STOX1: variants seen among roughly 807,000 people sequenced by gnomAD.
The protein encoded by STOX1 is storkhead box 1.
Under a neutral mutation model 74.8 loss-of-function variants are expected in STOX1, and 57 were observed. The ratio of observed to expected loss-of-function variants is 0.76; its 90% confidence interval spans 0.62 to 0.95. The LOEUF is 0.95. Ranked by LOEUF, STOX1 falls within the 40% of genes least tolerant of loss-of-function variation. The pLI is 0.00. For synonymous variants in STOX1, 375 were observed against 401.3 expected (o/e 0.93, Z 0.78); for missense variants, 1,010 against 1,117.0 (o/e 0.90, Z 1.37).
At chr10:68,850,525 G>T (rs1281103983) in intron 1 of STOX1, among the ~76,000 whole-genome samples, 1 of 152,176 alleles carries the variant, frequency 6.6e-6, no homozygotes, top group Non-Finnish European at 1.5e-5. Context: ...AGGAAGCCTG[G>T]TTATCAAACC....
At chr10:68,848,792 G>C (rs1449784003) in intron 1 of STOX1, among the ~76,000 whole-genome samples, 1 of 152,064 alleles carries the variant, frequency 6.6e-6, no homozygotes, top group Non-Finnish European at 1.5e-5. Context: ...AGCCATCCAA[G>C]TAGCTAGGAC....
Position 68,892,859 on chromosome 10 carries a change from C to A in STOX1, c.*123C>A. The stretch of plus-strand genomic sequence containing the variant: ...AAGGCAAGCATATCTATACTATTAA[C>A]CACATTACACATTTTGTTCTAATTA... On this transcript the variant is annotated 3_prime_UTR_variant, in exon 4 of 4. Coordinates refer to ENST00000298596, the MANE Select transcript of STOX1 (RefSeq NM_152709.5). The A allele has an allele frequency of 9.2e-7, 1 of 1,085,330 alleles. No homozygotes were observed. The highest frequency in any genetic ancestry group is 1.3e-6 in the Non-Finnish European group (1 of 752,572). 67.2% of individuals were successfully genotyped at this position (1,085,330 alleles called of 1,614,324 possible). A position where few individuals can be genotyped will look rare whatever the true frequency, so the allele number is the denominator to read the frequency against.
intron 1 of STOX1, among the ~76,000 whole-genome samples, chr10:68,832,211 T>C (rs544322286): frequency 4.3e-4 from 65 of 152,044 alleles, no homozygotes; most frequent in Middle Eastern, 3.4e-3. Flanking sequence ...TGTATTTGTT[T>C]GGAAGAATCT....
At chr10:68,893,914 AC>A (rs1483391378), downstream of STOX1, among the ~76,000 whole-genome samples, 1 of 152,098 alleles carries the variant, frequency 6.6e-6, no homozygotes, top group Non-Finnish European at 1.5e-5. Context: ...TCATGGTAAG[AC>A]CTAGAATTTT....
At chr10:68,881,816 G>T in intron 1 of STOX1, 142 bp from the exon 2 acceptor site, 17 of 931,086 alleles carry the variant, frequency 1.8e-5, no homozygotes, top group Non-Finnish European at 2.9e-5. Flanking sequence ...TACATGTCAT[G>T]TTAACAGATT....
intron 1 of STOX1, among the ~76,000 whole-genome samples, chr10:68,863,148 G>A (rs7087811): frequency 0.28 from 42,232 of 151,886 alleles, 6,427 homozygotes; most frequent in African/African-American, 0.38. Flanking sequence ...CTGTAGGACC[G>A]GGCAACCAAG....
intron 1 of STOX1, among the ~76,000 whole-genome samples, chr10:68,875,473 G>A (rs1311482464): frequency 2.6e-5 from 4 of 151,886 alleles, no homozygotes; most frequent in Non-Finnish European, 5.9e-5. Context: ...TTTGTCATGG[G>A]TGCACCTCTT....
intron 1 of STOX1, chr10:68,828,257 A>G (rs1284445726): frequency 5.5e-6 from 6 of 1,098,292 alleles, no homozygotes; most frequent in Non-Finnish European, 6.7e-6. Flanking sequence ...CGGCTTCCGC[A>G]TCAGGGCGGT....
In STOX1 at chr10:68,845,400, A is replaced by G. The variant is rs181434351; in HGVS notation, c.310+17467A>G. On this transcript the variant is annotated intron_variant, in intron 1 of 3. Transcript: ENST00000298596. ...GCCATTCTCCTGCCTCAGCCTCCTG[A>G]GTAGCTGGGACTACAGGCGCCTGCC... Among the ~76,000 whole-genome samples, 963 of 149,620 alleles carry G rather than the reference A, an allele frequency of 6.4e-3. 14 individuals carry two copies. Among genetic ancestry groups the G allele is most frequent in the African/African-American group, 0.022 (901 of 40,484 alleles).
intron 1 of STOX1, among the ~76,000 whole-genome samples, chr10:68,879,630 T>C (rs1473754730): frequency 6.6e-6 from 1 of 152,218 alleles, no homozygotes; most frequent in Non-Finnish European, 1.5e-5. Context: ...TCCAGTCATA[T>C]TCACTGGATC....
chr10:68,852,520 A>G (rs933876612), intron 1 of STOX1, among the ~76,000 whole-genome samples: 3 of 151,356 alleles, frequency 2.0e-5, no homozygotes, highest in African/African-American at 7.3e-5. Flanking sequence ...GGCCTCCCAA[A>G]GTGCTGGGAT....
intron 1 of STOX1, among the ~76,000 whole-genome samples, chr10:68,862,082 AT>A (rs1456041667): frequency 6.6e-6 from 1 of 152,066 alleles, no homozygotes; most frequent in Non-Finnish European, 1.5e-5. Context: ...GCATAGTAGA[AT>A]TCTTTTGCCG....
chr10:68,835,433 C>G (rs1839523216), intron 1 of STOX1, among the ~76,000 whole-genome samples: 2 of 152,084 alleles, frequency 1.3e-5, no homozygotes, highest in African/African-American at 4.8e-5. Flanking sequence ...AGTGATCCTC[C>G]CTTGTCAGTC....
At position 68,875,251 on chromosome 10, in the gene STOX1, C is replaced by T. The variant is rs151069700; in HGVS notation, c.311-6707C>T. ...TTCACTGGGTAGGCCCATGTGCTGACGCCAACTCTCCCTCTTACAAGAGTG... is the reference window on the plus strand; with the variant it reads ...TTCACTGGGTAGGCCCATGTGCTGATGCCAACTCTCCCTCTTACAAGAGTG... On this transcript the variant is annotated intron_variant, in intron 1 of 3. Coordinates refer to ENST00000298596, the MANE Select transcript of STOX1 (RefSeq NM_152709.5). Among the ~76,000 whole-genome samples the T allele has an allele frequency of 3.2e-4, 48 of 152,306 alleles. No homozygotes were observed. The East Asian group carries it at 9.1e-3, about 29-fold the overall frequency.
rs1055383445 is a variant in STOX1 at position 68,833,850 on chromosome 10, G to A, written c.310+5917G>A. ...TCTTCTCTTACTGGCGTGAGCCATTGCACCCGGCCCGCTTCTGTGTTTTAA... is the reference window on the plus strand; with the variant it reads ...TCTTCTCTTACTGGCGTGAGCCATTACACCCGGCCCGCTTCTGTGTTTTAA... On this transcript the variant is annotated intron_variant, in intron 1 of 3. Transcript: ENST00000298596. 6.6e-5 allele frequency among the ~76,000 whole-genome samples: 10 copies of A among 152,186 alleles called. No individual in the cohort carries two copies. The East Asian group carries it at 1.7e-3, about 26-fold the overall frequency.
intron 3 of STOX1, among the ~76,000 whole-genome samples, chr10:68,889,499 TTTC>T (rs1408389963): frequency 1.3e-5 from 2 of 152,212 alleles, no homozygotes; most frequent in African/African-American, 2.4e-5. Flanking sequence ...GAGCCATGGC[TTTC>T]TTTTTTCATG....
intron 1 of STOX1, among the ~76,000 whole-genome samples, chr10:68,855,548 C>T (rs999892601): frequency 6.6e-6 from 1 of 152,038 alleles, no homozygotes; most frequent in Non-Finnish European, 1.5e-5. Flanking sequence ...AAGCGATCCT[C>T]CCGCCTCAGC....
At chr10:68,853,593 G>A (rs1439201276) in intron 1 of STOX1, among the ~76,000 whole-genome samples, 1 of 152,094 alleles carries the variant, frequency 6.6e-6, no homozygotes, top group Non-Finnish European at 1.5e-5. Flanking sequence ...GAATGGCAGG[G>A]CTTTTCAGGC....
intron 1 of STOX1, among the ~76,000 whole-genome samples, chr10:68,880,325 C>T (rs987037723): frequency 6.6e-6 from 1 of 152,086 alleles, no homozygotes; most frequent in Non-Finnish European, 1.5e-5. Flanking sequence ...ACGACAGGCA[C>T]ACCACCATCC....
Sources: gnomAD v4.1 joint callset for allele counts (sites outside exome capture counted in the v4.1 genomes callset) on GRCh38, gnomAD v4.1.1 for gene constraint, MANE v1.5 for transcripts, NCBI Gene and HGNC (gene_info 2026-07-23, HGNC 2026-07-21) for gene names.